The following FSIP1 variants were observed in gnomAD, a reference collection of about 807,000 sequenced individuals.
FSIP1 encodes the protein fibrous sheath interacting protein 1, also known as fibrous sheath-interacting protein 1.
Under a neutral mutation model 60.9 loss-of-function variants are expected in FSIP1, and 65 were observed. The ratio of observed to expected loss-of-function variants is 1.07; its 90% CI spans 0.87 to 1.31. The LOEUF (loss-of-function observed/expected upper bound fraction) is 1.31. Ranked by LOEUF, FSIP1 falls within the 40% of genes most tolerant of loss-of-function variation. FSIP1 has a pLI of 0.00. For missense variants in FSIP1, 675 were observed against 665.5 expected, an observed-to-expected ratio of 1.01 and a Z score of -0.16; for synonymous variants, 209 against 221.2, an observed-to-expected ratio of 0.94 and a Z score of 0.49.
At chr15:39,669,112 C>T (rs962198046) in intron 10 of FSIP1, among the ~76,000 whole-genome samples, 1 of 152,150 alleles carries the variant, frequency 6.6e-6, no homozygotes, top group African/African-American at 2.4e-5. Context: ...CAGCAGACAG[C>T]CTTCAGGAGG....
intron 10 of FSIP1, among the ~76,000 whole-genome samples, chr15:39,677,312 G>C (rs1364950667): frequency 6.6e-6 from 1 of 152,168 alleles, no homozygotes; most frequent in Admixed American, 6.5e-5. Flanking sequence ...CAATGTTGGT[G>C]ACATATGAAT....
At chr15:39,771,581 C>T (rs1566921819) in intron 2 of FSIP1, among the ~76,000 whole-genome samples, 1 of 152,164 alleles carries the variant, frequency 6.6e-6, no homozygotes, top group Non-Finnish European at 1.5e-5. Context: ...TGGTAATAAT[C>T]ATAGCCATCA....
At chr15:39,702,984 T>C (rs962306549) in intron 10 of FSIP1, among the ~76,000 whole-genome samples, 1 of 6,442 alleles carries the variant, frequency 1.6e-4, no homozygotes, top group African/African-American at 2.1e-4. Context: ...ATAATTGTCT[T>C]TTTTTTTTTT....
chr15:39,617,135 T>C (rs781451560), intron 11 of FSIP1, among the ~76,000 whole-genome samples: 1 of 152,162 alleles, frequency 6.6e-6, no homozygotes, highest in Non-Finnish European at 1.5e-5. Context: ...GAGGTAAAAA[T>C]TGAATCTATT....
At chr15:39,677,775 A>T (rs1359665267) in intron 10 of FSIP1, among the ~76,000 whole-genome samples, 2 of 152,204 alleles carry the variant, frequency 1.3e-5, no homozygotes, top group East Asian at 3.8e-4. Context: ...AGGCAGGCAG[A>T]TCACGAGGTC....
chr15:39,651,059 A>T (rs918608206), intron 10 of FSIP1, among the ~76,000 whole-genome samples: 1 of 152,186 alleles, frequency 6.6e-6, no homozygotes, highest in Non-Finnish European at 1.5e-5. Context: ...CATGGGCCAC[A>T]GAGAGAGGAA....
At chr15:39,718,371 A>G (rs556229288) in intron 9 of FSIP1, among the ~76,000 whole-genome samples, 1 of 152,254 alleles carries the variant, frequency 6.6e-6, no homozygotes, top group South Asian at 2.1e-4. Flanking sequence ...ATAGACTGGA[A>G]GGAAATTTAA....
At chr15:39,755,869 T>C (rs914999051) in intron 5 of FSIP1, among the ~76,000 whole-genome samples, 8 of 152,142 alleles carry the variant, frequency 5.3e-5, no homozygotes, top group Non-Finnish European at 1.2e-4. Context: ...AGCAACCCTG[T>C]CACTAGATGT....
chr15:39,644,918 G>A (rs1892530694), intron 10 of FSIP1, among the ~76,000 whole-genome samples: 1 of 152,190 alleles, frequency 6.6e-6, no homozygotes, highest in South Asian at 2.1e-4. Flanking sequence ...TAAGTGAGCT[G>A]AACAATCATC....
chr15:39,749,080 T>C (rs931261405), intron 5 of FSIP1, among the ~76,000 whole-genome samples: 1 of 151,142 alleles, frequency 6.6e-6, no homozygotes, highest in Non-Finnish European at 1.5e-5. Flanking sequence ...CCTAGAAAAA[T>C]ATAAACTACC....
At chr15:39,618,417 C>A (rs1042970832) in intron 10 of FSIP1, among the ~76,000 whole-genome samples, 172 bp from the exon 11 acceptor site, 1 of 152,114 alleles carries the variant, frequency 6.6e-6, no homozygotes, top group Non-Finnish European at 1.5e-5. Flanking sequence ...ATGTCATAAT[C>A]CTGGCAAAAT....
chr15:39,687,148 T>TTTTTTTTTTTTTTTTTTTTTTTTG (rs1894411886), intron 10 of FSIP1, among the ~76,000 whole-genome samples: 1 of 130,092 alleles, frequency 7.7e-6, no homozygotes, highest in African/African-American at 2.9e-5. Context: ...TTTTTTTTTT[T>TTTTTTTTTTTTTTTTTTTTTTTTG]TTTTTTTTTT....
chr15:39,614,543 G>A (rs939901322), intron 11 of FSIP1, among the ~76,000 whole-genome samples: 1 of 151,756 alleles, frequency 6.6e-6, no homozygotes, highest in Non-Finnish European at 1.5e-5. Context: ...TACTCGGGAG[G>A]CTGAGGCAGG....
chr15:39,780,507 G>A (rs181095527), intron 1 of FSIP1, among the ~76,000 whole-genome samples: 26 of 152,234 alleles, frequency 1.7e-4, no homozygotes, highest in Non-Finnish European at 2.8e-4. Context: ...GCAACAGAGC[G>A]AGACTCCGTG....
At chr15:39,624,465 T>A (rs913944891) in intron 10 of FSIP1, among the ~76,000 whole-genome samples, 1 of 152,226 alleles carries the variant, frequency 6.6e-6, no homozygotes, top group Non-Finnish European at 1.5e-5. Context: ...AACAGCACTA[T>A]CGAGTCTGAA....
chr15:39,682,850 CAT>C (rs937190335), intron 10 of FSIP1, among the ~76,000 whole-genome samples: 2 of 152,184 alleles, frequency 1.3e-5, no homozygotes, highest in Non-Finnish European at 1.5e-5. Flanking sequence ...ACTCTAATCA[CAT>C]GTGTTTATAT....
In FSIP1 at chr15:39,726,693, G is replaced by C; in HGVS notation, c.946C>G (p.Gln316Glu). The change falls in exon 9 of 12, where the codon CAG becomes GAG. Residue 316 changes from glutamine to glutamate, a missense_variant. Transcript: ENST00000350221. The stretch of plus-strand genomic sequence containing the variant: ...TCAATTTCAGCAAGCTGCTGATGCT[G>C]GGTGACTGCAAGTTCATATCCTTTT... The part of the protein sequence containing the change: ...PVKGYELAVT[Q>E]HQQLAEIDIK... The C allele has an allele frequency of 6.2e-7, 1 of 1,613,968 alleles. No individual in the cohort carries two copies.
At position 39,613,581 on chromosome 15, in the gene FSIP1, A is replaced by G. The variant is rs554696529; in HGVS notation, c.1699+4154T>C. ...AACTCTTCCAAAAAACTGAAGTGGAAGAAAGCCTTCTGAACTCATTTTACA... is the reference window on the plus strand; with the variant it reads ...AACTCTTCCAAAAAACTGAAGTGGAGGAAAGCCTTCTGAACTCATTTTACA... On this transcript the variant is annotated intron_variant, in intron 11 of 11. Coordinates refer to ENST00000350221, the MANE Select transcript of FSIP1 (RefSeq NM_152597.5). Among the ~76,000 whole-genome samples, 4 of 152,326 alleles carry G rather than the reference A, an allele frequency of 2.6e-5. No individual in the cohort carries two copies. In the South Asian group the frequency reaches 8.3e-4, roughly 32 times the overall value.
Position 39,726,668 on chromosome 15 carries a change from T to A in FSIP1, c.971A>T (p.Asp324Val), listed in dbSNP as rs377651382. ...VTQHQQLAEI[D>V]IKLQELSAAS... ...TGCAGAGAGTTCTTGGAGTTTTATA[T>A]CAATTTCAGCAAGCTGCTGATGCTG... Residue 324 changes from aspartate to valine, a missense_variant, in exon 9 of 12, where the codon GAT becomes GTT. Transcript: ENST00000350221. 5.7e-5 allele frequency: 92 copies of A among 1,613,920 alleles called. No homozygotes were observed. The highest frequency in any genetic ancestry group is 5.9e-5 in the Non-Finnish European group (70 of 1,179,948).
Sources: gnomAD v4.1 joint callset for allele counts (sites outside exome capture counted in the v4.1 genomes callset) on GRCh38, gnomAD v4.1.1 for gene constraint, MANE v1.5 for transcripts, NCBI Gene and HGNC (gene_info 2026-07-23, HGNC 2026-07-21) for gene names.